COL7A1: variants seen among roughly 807,000 people sequenced by gnomAD.
COL7A1 encodes the protein collagen type VII alpha 1 chain.
COL7A1 carries 296 observed loss-of-function variants against 456.2 expected under a neutral mutation model. The ratio of observed to expected loss-of-function variants is 0.65; its 90% CI spans 0.59 to 0.71. The LOEUF is 0.71. Ranked by LOEUF, COL7A1 falls within the 30% of genes least tolerant of loss-of-function variation. The pLI is 0.00. For missense variants in COL7A1, 3,441 were observed against 4,017.2 expected, an observed-to-expected ratio of 0.86 and a Z score of 3.88; for synonymous variants, 1,464 against 1,525.9, an observed-to-expected ratio of 0.96 and a Z score of 0.95.
rs1436836031 is a variant in COL7A1, at chr3:48,586,651, C to T, written c.3315G>A (p.Leu1105=). 1.2e-6 allele frequency: 2 copies of T among 1,612,276 alleles called. No individual in the cohort carries two copies. The highest frequency in any genetic ancestry group is 8.5e-7 in the Non-Finnish European group (1 of 1,179,442). ...GGTCATGGGAGCCATTCAGTGGGAA[C>T]AGTGGGGAGGGCCGATGACTGTAAG... ...LLSYSHRPSP[L]FPLNGSHDLG... The change falls in exon 26 of 119, where the codon CTG becomes CTA. Residue 1105 remains leucine, a synonymous_variant. Transcript: ENST00000681320. The surrounding 1 kb of genome is among the most constrained non-coding windows in gnomAD (Gnocchi z 5.1).
Position 48,575,988 on chromosome 3 carries a change from C to CA in COL7A1, c.5821-87dup. 6.2e-7 allele frequency: 1 copy of CA among 1,602,260 alleles called. No individual in the cohort carries two copies. Among genetic ancestry groups the CA allele is most frequent in the South Asian group, 1.1e-5 (1 of 90,784 alleles). On this transcript the variant is annotated intron_variant, in intron 71 of 118. Coordinates refer to ENST00000681320, the MANE Select transcript of COL7A1 (RefSeq NM_000094.4). This position sits in a 1 kb window ranked among gnomAD's most constrained non-coding sequence, Gnocchi z 6.3. ...GCACGGCCTCAGGAAAGCACCTTCA[C>CA]ACCCTTTTCCCTAGGCCTCTTGCCC...
rs1361564877 is a variant in COL7A1, at chr3:48,590,416, T to A, written c.1906+43A>T. On this transcript the variant is annotated intron_variant, in intron 15 of 118. Coordinates refer to ENST00000681320, the MANE Select transcript of COL7A1 (RefSeq NM_000094.4). The surrounding 1 kb of genome is among the most constrained non-coding windows in gnomAD (Gnocchi z 4.6). The stretch of plus-strand genomic sequence containing the variant: ...CCTGTCCCCTCTGGCACCCATACCC[T>A]CATTGGTCCCTTTGGCAGTCCCCCC... The A allele has an allele frequency of 1.1e-5, 17 of 1,613,888 alleles. No homozygotes were observed. The highest frequency in any genetic ancestry group is 1.4e-5 in the Non-Finnish European group (17 of 1,180,000).
rs372697666 is a variant in COL7A1, at chr3:48,584,710, C to T, written c.4047+24G>A. The stretch of plus-strand genomic sequence containing the variant: ...CTGCTCCTCCCTGGGACATCCCGGC[C>T]GCCTCCCTTCCCCCTTCACCTACCG... On this transcript the variant is annotated intron_variant, in intron 35 of 118. Coordinates refer to ENST00000681320, the MANE Select transcript of COL7A1 (RefSeq NM_000094.4). 18 of 1,613,790 alleles carry T rather than the reference C, an allele frequency of 1.1e-5. No homozygotes were observed. In the East Asian group the frequency reaches 1.3e-4, roughly 12 times the overall value.
Position 48,582,373 on chromosome 3 carries a change from T to C in COL7A1, c.4600-15A>G, listed in dbSNP as rs1450605059. The stretch of plus-strand genomic sequence containing the variant: ...CCAGGCTCCCCCTGTGGAGAGAGGA[T>C]AGGAGCAGGGACAGGTCAGGGAGTC... On this transcript the variant is annotated splice_polypyrimidine_tract_variant and intron_variant, in intron 46 of 118. Coordinates refer to ENST00000681320, the MANE Select transcript of COL7A1 (RefSeq NM_000094.4). 8.1e-6 allele frequency: 13 copies of C among 1,613,988 alleles called. No individual in the cohort carries two copies. The highest frequency in any genetic ancestry group is 1.1e-5 in the Non-Finnish European group (13 of 1,179,978).
chr3:48,572,937 C>T lies in COL7A1; in HGVS notation c.6756G>A (p.Glu2252=), dbSNP rs200237023. The T allele has an allele frequency of 6.2e-7, 1 of 1,614,050 alleles. No homozygotes were observed. The highest frequency in any genetic ancestry group is 1.1e-5 in the South Asian group (1 of 91,084). The change falls in exon 87 of 119, where the codon GAG becomes GAA. Residue 2252 remains glutamate, a synonymous_variant. Transcript: ENST00000681320. This position sits in a 1 kb window ranked among gnomAD's most constrained non-coding sequence, Gnocchi z 4.6. ...GACCTGGGGCTCCCGGCTTCCCTGT[C>T]TCCCCCTGAGAGGGAAGAGCTCTGT... is the stretch of plus-strand genomic sequence containing the variant. The part of the protein sequence containing the change: ...GSPGLPGQVG[E]TGKPGAPGRD...
In COL7A1 at chr3:48,581,096, G is replaced by A. The variant is rs2044721456; in HGVS notation, c.4935+26C>T. 6.2e-7 allele frequency: 1 copy of A among 1,613,806 alleles called. No homozygotes were observed. The highest frequency in any genetic ancestry group is 2.2e-5 in the East Asian group (1 of 44,878). On this transcript the variant is annotated intron_variant, in intron 53 of 118. Coordinates refer to ENST00000681320, the MANE Select transcript of COL7A1 (RefSeq NM_000094.4). This position sits in a 1 kb window ranked among gnomAD's most constrained non-coding sequence, Gnocchi z 5.8. ...ATCCTAGTTCAAGGGTAAAGGATCA[G>A]AAACCACAGTGGGAAGGAGTCTCAC... is the stretch of plus-strand genomic sequence containing the variant.
Position 48,573,363 on chromosome 3 carries a change from G to A in COL7A1, c.6619-15C>T. On this transcript the variant is annotated splice_polypyrimidine_tract_variant and intron_variant, in intron 83 of 118. Transcript: ENST00000681320. This position sits in a 1 kb window ranked among gnomAD's most constrained non-coding sequence, Gnocchi z 5.5. ...CCAGGCTCCCCCTGCAAACAACCCA[G>A]AGACTGCATGAGCAGAGCCCACGTG... 6.2e-7 allele frequency: 1 copy of A among 1,614,062 alleles called. No individual in the cohort carries two copies. Among genetic ancestry groups the A allele is most frequent in the Non-Finnish European group, 8.5e-7 (1 of 1,180,022 alleles).
At position 48,585,431 on chromosome 3, in the gene COL7A1, T is replaced by C; in HGVS notation, c.3894+126A>G. The stretch of plus-strand genomic sequence containing the variant: ...CCCCCAAAGTCTCTGTGGTGGTTTA[T>C]AACCTCCAGCTGGGCTTCTAGGAAT... On this transcript the variant is annotated intron_variant, in intron 32 of 118. Coordinates refer to ENST00000681320, the MANE Select transcript of COL7A1 (RefSeq NM_000094.4). This position sits in a 1 kb window ranked among gnomAD's most constrained non-coding sequence, Gnocchi z 4.5. 8.6e-7 allele frequency: 1 copy of C among 1,157,098 alleles called. No homozygotes were observed. Among genetic ancestry groups the C allele is most frequent in the Non-Finnish European group, 1.3e-6 (1 of 777,260 alleles). The allele number at this position is 1,157,098 out of a possible 1,614,324, so 71.7% of individuals were successfully genotyped here. A position where few individuals can be genotyped will look rare whatever the true frequency, so the allele number is the denominator to read the frequency against.
In COL7A1 at chr3:48,584,500, C is replaced by T. The variant is rs1393762221; in HGVS notation, c.4104G>A (p.Gly1368=). 3 of 1,614,092 alleles carry T rather than the reference C, an allele frequency of 1.9e-6. No homozygotes were observed. Among genetic ancestry groups the T allele is most frequent in the South Asian group, 1.1e-5 (1 of 91,084 alleles). ...CTGCACTTACCGATGGTCCAGGGTCCCCTTTCCGCCCAGGAAGCCCAGGTC... is the reference window on the plus strand; with the variant it reads ...CTGCACTTACCGATGGTCCAGGGTCTCCTTTCCGCCCAGGAAGCCCAGGTC... The part of the protein sequence containing the change: ...GEGPGLPGRK[G]DPGPSGPPGP... The change falls in exon 36 of 119, where the codon GGG becomes GGA. Residue 1368 remains glycine (G), a synonymous_variant. Coordinates refer to ENST00000681320, the MANE Select transcript of COL7A1 (RefSeq NM_000094.4).
chr3:48,571,132 G>A lies in COL7A1; in HGVS notation c.7133C>T (p.Ser2378Phe), dbSNP rs1411532691. ...ACCTGGAGGGCCAGGAGGCCCAGGG[G>A]AGCCCGGGACCCCGACTCCTGGGTC... ...KGDPGVGVPG[S>F]PGPPGPPGVK... Residue 2378 changes from serine to phenylalanine, a missense_variant, in exon 94 of 119, where the codon TCC becomes TTC. Ser to Phe is a radical substitution (Grantham distance 155, BLOSUM62 -2). Coordinates refer to ENST00000681320, the MANE Select transcript of COL7A1 (RefSeq NM_000094.4). This position sits in a 1 kb window ranked among gnomAD's most constrained non-coding sequence, Gnocchi z 4.6. 6 of 1,613,976 alleles carry A rather than the reference G, an allele frequency of 3.7e-6. No individual in the cohort carries two copies. Among genetic ancestry groups the A allele is most frequent in the Middle Eastern group, 1.6e-4 (1 of 6,084 alleles).
Position 48,569,958 on chromosome 3 carries a change from G to T in COL7A1, c.7486-43C>A. 1 of 1,613,278 alleles carries T rather than the reference G, an allele frequency of 6.2e-7. No individual in the cohort carries two copies. The highest frequency in any genetic ancestry group is 8.5e-7 in the Non-Finnish European group (1 of 1,179,440). ...ACCGTGAGCTACAGGAACCAGGGCAGTGGAGGACGGAGGAGGATCAGGGGG... is the reference window on the plus strand; with the variant it reads ...ACCGTGAGCTACAGGAACCAGGGCATTGGAGGACGGAGGAGGATCAGGGGG... On this transcript the variant is annotated intron_variant, in intron 99 of 118. Coordinates refer to ENST00000681320, the MANE Select transcript of COL7A1 (RefSeq NM_000094.4). This position sits in a 1 kb window ranked among gnomAD's most constrained non-coding sequence, Gnocchi z 4.9.
At position 48,581,709 on chromosome 3, in the gene COL7A1, T is replaced by C. The variant is rs558405095; in HGVS notation, c.4719A>G (p.Glu1573=). The part of the protein sequence containing the change: ...GPRGATGVQG[E]RGPPGLVLPG... ...CTAAACACTTCGCTTCACTTACCCGTTCCCCTTGGACTCCGGTAGCTCCTC... is the reference window on the plus strand; with the variant it reads ...CTAAACACTTCGCTTCACTTACCCGCTCCCCTTGGACTCCGGTAGCTCCTC... The change falls in exon 49 of 119, where the codon GAA becomes GAG. Residue 1573 remains glutamate, a synonymous_variant. Transcript: ENST00000681320. The surrounding 1 kb of genome is among the most constrained non-coding windows in gnomAD (Gnocchi z 5.8). The C allele has an allele frequency of 1.8e-4, 296 of 1,614,042 alleles. 2 individuals are homozygous for C. Among genetic ancestry groups the C allele is most frequent in the South Asian group, 1.2e-3 (110 of 91,076 alleles).
Position 48,564,675 on chromosome 3 carries a change from T to A in COL7A1, c.8818+108A>T, listed in dbSNP as rs1456622180. 2 of 1,300,038 alleles carry A rather than the reference T, an allele frequency of 1.5e-6. No individual in the cohort carries two copies. The highest frequency in any genetic ancestry group is 2.8e-5 in the South Asian group (2 of 71,302). The allele number at this position is 1,300,038 out of a possible 1,614,324, so 80.5% of individuals were successfully genotyped here. ...CCAGGTCCCCTACTGCGAGGGAGCG[T>A]CTCCTCCAGGACCCTGACCTGGAAC... On this transcript the variant is annotated intron_variant, in intron 118 of 118. Coordinates refer to ENST00000681320, the MANE Select transcript of COL7A1 (RefSeq NM_000094.4). The surrounding 1 kb of genome is among the most constrained non-coding windows in gnomAD (Gnocchi z 6.0).
Position 48,581,265 on chromosome 3 carries a change from G to C in COL7A1, c.4894C>G (p.Arg1632Gly). The C allele has an allele frequency of 6.2e-7, 1 of 1,613,318 alleles. No individual in the cohort carries two copies. The highest frequency in any genetic ancestry group is 8.5e-7 in the Non-Finnish European group (1 of 1,179,796). Residue 1632 changes from arginine to glycine, a missense_variant, in exon 52 of 119, where the codon CGA (arginine) becomes GGA (glycine). Physicochemically the swap from Arg to Gly is moderately radical, Grantham distance 125. Coordinates refer to ENST00000681320, the MANE Select transcript of COL7A1 (RefSeq NM_000094.4). The surrounding 1 kb of genome is among the most constrained non-coding windows in gnomAD (Gnocchi z 5.8). ...CCCCGACTCCAGCCTCTTACATCTC[G>C]TCCTCGGGGGCCAACAGGTCCTGGG... The part of the protein sequence containing the change: ...GPPGPVGPRG[R>G]DGEVGEKGDE...
rs2045478618 is a variant in COL7A1, at chr3:48,588,776, C to A, written c.2453G>T (p.Arg818Met). The change falls in exon 20 of 119, where the codon AGG becomes ATG. Residue 818 changes from arginine to methionine, a missense_variant. By Grantham distance (91) the Arg-to-Met change is moderately conservative. Transcript: ENST00000681320. The surrounding 1 kb of genome is among the most constrained non-coding windows in gnomAD (Gnocchi z 4.6). Reference protein sequence around the residue: ...AWGRSEGGPMRHQILPGNTDS... With the variant: ...AWGRSEGGPMMHQILPGNTDS... ...TGTGTTTCCTGGGAGTATCTGGTGCCTCATGGGGCCGCCTGGCCAGGTGGG... is the reference window on the plus strand; with the variant it reads ...TGTGTTTCCTGGGAGTATCTGGTGCATCATGGGGCCGCCTGGCCAGGTGGG... 6.2e-7 allele frequency: 1 copy of A among 1,613,792 alleles called. No homozygotes were observed. The highest frequency in any genetic ancestry group is 1.3e-5 in the African/African-American group (1 of 74,944).
Position 48,580,758 on chromosome 3 carries a change from G to A in COL7A1, c.4981-106C>T. On this transcript the variant is annotated intron_variant, in intron 54 of 118. Transcript: ENST00000681320. This position sits in a 1 kb window ranked among gnomAD's most constrained non-coding sequence, Gnocchi z 4.5. The stretch of plus-strand genomic sequence containing the variant: ...CCCCATTACTCCAAAATCCACATCA[G>A]AGGTTCCCATCACCCCATGCCTCCC... 1 of 1,566,804 alleles carries A rather than the reference G, an allele frequency of 6.4e-7. No homozygotes were observed. The highest frequency in any genetic ancestry group is 1.1e-5 in the South Asian group (1 of 89,606).
Position 48,590,333 on chromosome 3 carries a change from G to C in COL7A1, c.1930C>G (p.Pro644Ala), listed in dbSNP as rs1384386683. ...ATGTCTGTGGCAGTAGAGTCTGGGG[G>C]CAGTGTCTGGCTGGACTCCGGACCT... ...GSGPESSQTLPPDSTATDITG... is the reference protein window; with the variant it reads ...GSGPESSQTLAPDSTATDITG... The change falls in exon 16 of 119, where the codon CCC (proline) becomes GCC (alanine). Residue 644 changes from proline to alanine, a missense_variant. By Grantham distance (27) the Pro-to-Ala change is conservative. Coordinates refer to ENST00000681320, the MANE Select transcript of COL7A1 (RefSeq NM_000094.4). The surrounding 1 kb of genome is among the most constrained non-coding windows in gnomAD (Gnocchi z 4.6). The C allele has an allele frequency of 6.2e-7, 1 of 1,613,948 alleles. No individual in the cohort carries two copies. The highest frequency in any genetic ancestry group is 1.1e-5 in the South Asian group (1 of 91,092).
rs1029936448 is a variant in COL7A1 at position 48,567,445 on chromosome 3, G to A, written c.8046+129C>T. The A allele has an allele frequency of 4.0e-5, 53 of 1,337,972 alleles. No individual in the cohort carries two copies. The South Asian group carries it at 6.2e-4, about 16-fold the overall frequency. The allele number at this position is 1,337,972 out of a possible 1,614,324, so 82.9% of individuals were successfully genotyped here. ...AACCCACCTTGACACCTCGAGACCA[G>A]CCCCACTTCAGCCCCCAAAGTCCCA... On this transcript the variant is annotated intron_variant, in intron 109 of 118. Transcript: ENST00000681320. The surrounding 1 kb of genome is among the most constrained non-coding windows in gnomAD (Gnocchi z 4.3).
Position 48,573,966 on chromosome 3 carries a change from C to T in COL7A1, c.6502-76G>A. The T allele has an allele frequency of 1.3e-6, 2 of 1,570,026 alleles. No individual in the cohort carries two copies. Among genetic ancestry groups the T allele is most frequent in the Non-Finnish European group, 1.7e-6 (2 of 1,151,364 alleles). On this transcript the variant is annotated intron_variant, in intron 80 of 118. Transcript: ENST00000681320. This position sits in a 1 kb window ranked among gnomAD's most constrained non-coding sequence, Gnocchi z 5.5. ...GTTCCCAACCTCTGGGGGCTTTTTC[C>T]TTGGGGGTCAATTTCCATACCTCAC...
Sources: allele counts gnomAD v4.1 joint callset, GRCh38; gene constraint gnomAD v4.1.1; non-coding constraint Gnocchi (gnomAD v3.1); transcripts MANE v1.5; gene names NCBI Gene and HGNC (gene_info 2026-07-23, HGNC 2026-07-21).